LGR4: variants seen among roughly 807,000 people sequenced by gnomAD.
LGR4 encodes the protein leucine rich repeat containing G protein-coupled receptor 4, also known as leucine-rich repeat-containing G protein-coupled receptor 4.
LGR4 carries 44 observed loss-of-function variants against 84.8 expected under a neutral mutation model. The observed-to-expected ratio is 0.52, with a 90% CI of 0.41 to 0.67. The LOEUF (loss-of-function observed/expected upper bound fraction) is 0.67. LGR4 is among the 30% of genes least tolerant of loss of function. The pLI is 0.00. For missense variants in LGR4, 1,032 were observed against 1,131.4 expected (o/e 0.91, Z 1.26); for synonymous variants, 429 against 434.3 (o/e 0.99, Z 0.15).
chr11:27,389,776 T>C (rs924371747), intron 4 of LGR4, among the ~76,000 whole-genome samples: 1 of 152,150 alleles, frequency 6.6e-6, no homozygotes, highest in Admixed American at 6.6e-5. Flanking sequence ...CCTGTGTATA[T>C]CCACCCGAGG....
chr11:27,386,935 CA>C (rs1265608796), intron 4 of LGR4, among the ~76,000 whole-genome samples: 1 of 152,106 alleles, frequency 6.6e-6, no homozygotes, highest in African/African-American at 2.4e-5. Flanking sequence ...ACAGACTGGC[CA>C]AGTACTGGCT....
chr11:27,429,657 A>G (rs1240129910), intron 1 of LGR4, among the ~76,000 whole-genome samples: 2 of 152,180 alleles, frequency 1.3e-5, no homozygotes, highest in East Asian at 3.9e-4. Context: ...TCATTTGTCA[A>G]TATGTTTATC....
intron 1 of LGR4, among the ~76,000 whole-genome samples, chr11:27,446,837 AT>A (rs1408418584): frequency 6.6e-6 from 1 of 152,164 alleles, no homozygotes; most frequent in Non-Finnish European, 1.5e-5. Context: ...CATATACACC[AT>A]GGAATACTAT....
intron 1 of LGR4, among the ~76,000 whole-genome samples, chr11:27,463,040 C>T (rs1864710730): frequency 7.9e-6 from 1 of 127,126 alleles, no homozygotes; most frequent in Admixed American, 1.0e-4. Flanking sequence ...CAAGACCAAC[C>T]TGGGCAACAT....
intron 1 of LGR4, among the ~76,000 whole-genome samples, chr11:27,420,822 T>C (rs1247542917): frequency 6.6e-6 from 1 of 152,058 alleles, no homozygotes; most frequent in South Asian, 2.1e-4. Flanking sequence ...TGTGAAAGCA[T>C]GGTCAAATGA....
intron 2 of LGR4, among the ~76,000 whole-genome samples, chr11:27,412,346 T>C (rs564813979): frequency 6.6e-6 from 1 of 152,286 alleles, no homozygotes; most frequent in African/African-American, 2.4e-5. Context: ...CAAGGGGACC[T>C]ACCCTCAGTT....
intron 1 of LGR4, among the ~76,000 whole-genome samples, chr11:27,441,750 G>C (rs559385951): frequency 6.6e-4 from 101 of 152,292 alleles, no homozygotes; most frequent in Middle Eastern, 3.4e-3. Context: ...AGTTGAGACA[G>C]GGCTCACCAA....
At chr11:27,434,045 T>C (rs1208917172) in intron 1 of LGR4, among the ~76,000 whole-genome samples, 1 of 152,214 alleles carries the variant, frequency 6.6e-6, no homozygotes, top group African/African-American at 2.4e-5. Context: ...CTGGGAAGAT[T>C]GGAAAGCACC....
At chr11:27,396,857 G>T (rs1863399942) in intron 2 of LGR4, among the ~76,000 whole-genome samples, 1 of 152,154 alleles carries the variant, frequency 6.6e-6, no homozygotes, top group Admixed American at 6.5e-5. Flanking sequence ...AGTGAAAGTG[G>T]TATGGTTTTC....
intron 2 of LGR4, among the ~76,000 whole-genome samples, chr11:27,395,041 C>A (rs186682987): frequency 2.0e-5 from 3 of 152,222 alleles, no homozygotes; most frequent in Admixed American, 2.0e-4. Context: ...CTCAAAGGGA[C>A]CCCGGTCTCA....
intron 2 of LGR4, among the ~76,000 whole-genome samples, chr11:27,408,600 C>A (rs2133394010): frequency 6.6e-6 from 1 of 152,204 alleles, no homozygotes; most frequent in African/African-American, 2.4e-5. Context: ...ACCCAACAAG[C>A]CTAAAGGAGA....
intron 5 of LGR4, 135 bp from the exon 6 acceptor site, chr11:27,384,542 T>C: frequency 4.5e-6 from 3 of 668,228 alleles, no homozygotes; most frequent in Non-Finnish European, 7.9e-6. Context: ...CTAAACAGTT[T>C]TCTGTTGACC....
At chr11:27,459,153 T>C (rs1236933038) in intron 1 of LGR4, among the ~76,000 whole-genome samples, 3 of 152,170 alleles carry the variant, frequency 2.0e-5, no homozygotes, top group Non-Finnish European at 2.9e-5. Flanking sequence ...CCAAGAACCA[T>C]CAGAAATAAC....
chr11:27,368,534 C>T lies in LGR4; in HGVS notation c.2189G>A (p.Cys730Tyr). 1 of 1,613,996 alleles carries T rather than the reference C, an allele frequency of 6.2e-7. No homozygotes were observed. ...TGAGAGGTCCTCTTTTTCCAAGTTGCAGTATAGTTTAGTGTAGATAACGGC... is the reference window on the plus strand; with the variant it reads ...TGAGAGGTCCTCTTTTTCCAAGTTGTAGTATAGTTTAGTGTAGATAACGGC... ...LMAVIYTKLY[C>Y]NLEKEDLSEN... The change falls in exon 18 of 18, where the codon TGC becomes TAC. Residue 730 changes from cysteine to tyrosine, a missense_variant. Physicochemically the swap from Cys to Tyr is radical, Grantham distance 194 (BLOSUM62 -2). Transcript: ENST00000379214.
At chr11:27,416,296 C>G (rs1863816745) in intron 1 of LGR4, among the ~76,000 whole-genome samples, 1 of 152,178 alleles carries the variant, frequency 6.6e-6, no homozygotes, top group Non-Finnish European at 1.5e-5. Flanking sequence ...TATGGACTTA[C>G]TACCACCAGC....
intron 2 of LGR4, among the ~76,000 whole-genome samples, chr11:27,405,779 C>A (rs1863595615): frequency 6.6e-6 from 1 of 152,108 alleles, no homozygotes; most frequent in African/African-American, 2.4e-5. Context: ...CCTATCCCTG[C>A]CTCCCATCTG....
intron 17 of LGR4, among the ~76,000 whole-genome samples, chr11:27,371,146 AC>A (rs1199183197): frequency 4.5e-4 from 69 of 152,350 alleles, no homozygotes; most frequent in Middle Eastern, 3.4e-3. Flanking sequence ...AATTATAAAT[AC>A]ATCTTCTCTA....
chr11:27,468,455 T>C (rs938863640), intron 1 of LGR4, among the ~76,000 whole-genome samples: 1 of 152,180 alleles, frequency 6.6e-6, no homozygotes, highest in African/African-American at 2.4e-5. Flanking sequence ...GCAAATTTCC[T>C]AACACACACT....
intron 1 of LGR4, among the ~76,000 whole-genome samples, chr11:27,427,705 C>G (rs1252320126): frequency 2.0e-5 from 3 of 152,208 alleles, no homozygotes; most frequent in Non-Finnish European, 1.5e-5. Flanking sequence ...TCCTGGCCCA[C>G]AATGAGTGAT....
Sources: allele counts gnomAD v4.1 joint callset (sites outside exome capture counted in the v4.1 genomes callset), GRCh38; gene constraint gnomAD v4.1.1; transcripts MANE v1.5; gene names NCBI Gene and HGNC (gene_info 2026-07-23, HGNC 2026-07-21).